C3orf20: variants seen among roughly 807,000 people sequenced by gnomAD.
C3orf20 encodes uncharacterized protein C3orf20.
A neutral mutation model predicts 88.3 loss-of-function variants in C3orf20; 76 were observed. The observed-to-expected ratio is 0.86, with a 90% CI of 0.72 to 1.04. The LOEUF is 1.04. Among genes scored for constraint, C3orf20 ranks in the 50% least tolerant of loss-of-function variants. C3orf20 has a pLI of 0.00. For missense variants in C3orf20, 1,056 were observed against 1,123.3 expected, an observed-to-expected ratio of 0.94 and a Z score of 0.86; for synonymous variants, 436 against 437.4, an observed-to-expected ratio of 1.00 and a Z score of 0.04.
chr3:14,692,212 G>A (rs548149172), intron 5 of C3orf20, among the ~76,000 whole-genome samples: 1 of 152,314 alleles, frequency 6.6e-6, no homozygotes, highest in African/African-American at 2.4e-5. Flanking sequence ...AAACATGGGA[G>A]TGCAGATATC....
chr3:14,715,941 A>T (rs1057034158), intron 9 of C3orf20, among the ~76,000 whole-genome samples: 1 of 152,038 alleles, frequency 6.6e-6, no homozygotes, highest in East Asian at 1.9e-4. Flanking sequence ...TAAATAACAA[A>T]TAATAAAGAG....
intron 10 of C3orf20, among the ~76,000 whole-genome samples, chr3:14,726,383 T>G (rs1275701123): frequency 6.6e-6 from 1 of 152,146 alleles, no homozygotes; most frequent in African/African-American, 2.4e-5. Context: ...GCTGGAGGGA[T>G]GAAGGGGCTC....
intron 1 of C3orf20, among the ~76,000 whole-genome samples, chr3:14,680,809 TA>T (rs920085305): frequency 2.6e-5 from 4 of 151,774 alleles, no homozygotes; most frequent in African/African-American, 9.7e-5. Context: ...AGTCCTGACT[TA>T]AAAAAAAATC....
At chr3:14,734,084 T>C (rs1374701080) in intron 12 of C3orf20, among the ~76,000 whole-genome samples, 1 of 152,224 alleles carries the variant, frequency 6.6e-6, no homozygotes, top group Non-Finnish European at 1.5e-5. Flanking sequence ...TTAATTATTT[T>C]TGCAATTTTT....
rs35363400 is a variant in C3orf20 at position 14,728,494 on chromosome 3, C to G, written c.1746C>G (p.Phe582Leu). 13,533 of 1,614,116 alleles carry G rather than the reference C, an allele frequency of 8.4e-3. 59 individuals carry two copies. Among genetic ancestry groups the G allele is most frequent in the Non-Finnish European group, 0.01 (12,253 of 1,180,000 alleles). The change falls in exon 12 of 17, where the codon TTC (phenylalanine) becomes TTG (leucine). Residue 582 changes from phenylalanine to leucine, a missense_variant. Transcript: ENST00000253697. ...AGGAGGAGGAAGAATTTGTTCGGTT[C>G]AAGATGAGATCCAGAACTCATCCCG... ...TKKEEEEFVRFKMRSRTHPER... is the reference protein window; with the variant it reads ...TKKEEEEFVRLKMRSRTHPER...
intron 1 of C3orf20, among the ~76,000 whole-genome samples, chr3:14,679,444 A>C (rs1016520028): frequency 6.6e-6 from 1 of 152,216 alleles, no homozygotes; most frequent in East Asian, 1.9e-4. Flanking sequence ...GTTCATTTGC[A>C]TGTGGAAAAA....
At chr3:14,683,539 G>A (rs2032225671) in intron 3 of C3orf20, among the ~76,000 whole-genome samples, 1 of 152,100 alleles carries the variant, frequency 6.6e-6, no homozygotes, top group Non-Finnish European at 1.5e-5. Context: ...TTGGGAAGTA[G>A]CCAGACAGAG....
chr3:14,723,124 C>A (rs1040682384), intron 10 of C3orf20, among the ~76,000 whole-genome samples: 2 of 152,268 alleles, frequency 1.3e-5, no homozygotes, highest in South Asian at 4.2e-4. Context: ...CTATGTGTCC[C>A]CCTCAAAAGT....
chr3:14,756,293 A>G (rs1375698644), intron 12 of C3orf20, among the ~76,000 whole-genome samples: 7 of 151,808 alleles, frequency 4.6e-5, no homozygotes, highest in Non-Finnish European at 1.0e-4. Context: ...AACCCTCACA[A>G]CAACCCGGTA....
At chr3:14,690,422 T>TA (rs1359790801) in intron 5 of C3orf20, among the ~76,000 whole-genome samples, 1 of 152,144 alleles carries the variant, frequency 6.6e-6, no homozygotes, top group Non-Finnish European at 1.5e-5. Flanking sequence ...ATCTCTTCTA[T>TA]CCCTACAGTA....
At chr3:14,744,345 C>T (rs2034999120) in intron 12 of C3orf20, among the ~76,000 whole-genome samples, 1 of 152,004 alleles carries the variant, frequency 6.6e-6, no homozygotes, top group South Asian at 2.1e-4. Context: ...TCATCTCCAT[C>T]TGAGACCACC....
In C3orf20 at chr3:14,703,212, C is replaced by T. The variant is rs776170659; in HGVS notation, c.828C>T (p.Ser276=). The change falls in exon 6 of 17, where the codon AGC becomes AGT. Residue 276 remains serine, a synonymous_variant. Coordinates refer to ENST00000253697, the MANE Select transcript of C3orf20 (RefSeq NM_032137.5). ...VGTPANSLEF[S]DPCPEAREKL... ...CCCCTGCCAACAGCCTGGAGTTCAG[C>T]GACCCCTGCCCTGAGGCCCGGGAGA... The T allele has an allele frequency of 5.0e-6, 8 of 1,614,034 alleles. No individual in the cohort carries two copies. Among genetic ancestry groups the T allele is most frequent in the South Asian group, 2.2e-5 (2 of 91,088 alleles).
intron 15 of C3orf20, among the ~76,000 whole-genome samples, chr3:14,764,724 CAA>C (rs1272248835): frequency 6.6e-6 from 1 of 152,146 alleles, no homozygotes; most frequent in Admixed American, 6.5e-5. Context: ...GTAGCCTCTC[CAA>C]GTGGCCTGGG....
In C3orf20 at chr3:14,760,016, T is replaced by C; in HGVS notation, c.2352+18T>C. 1 of 1,573,514 alleles carries C rather than the reference T, an allele frequency of 6.4e-7. No individual in the cohort carries two copies. Among genetic ancestry groups the C allele is most frequent in the Non-Finnish European group, 8.7e-7 (1 of 1,143,564 alleles). On this transcript the variant is annotated intron_variant, in intron 14 of 16. Transcript: ENST00000253697. ...TGATTCTGGTGAGCCAGCAGGGACT[T>C]GCTATCCACTGCCTGCCACCCCAGC...
chr3:14,716,853 C>T (rs1166711751), intron 9 of C3orf20, among the ~76,000 whole-genome samples: 1 of 152,180 alleles, frequency 6.6e-6, no homozygotes, highest in Non-Finnish European at 1.5e-5. Flanking sequence ...AACCCTGACT[C>T]AGTTGGTATG....
At position 14,759,910 on chromosome 3, in the gene C3orf20, G is replaced by T. The variant is rs200611679; in HGVS notation, c.2264G>T (p.Arg755Leu). 4 of 1,613,864 alleles carry T rather than the reference G, an allele frequency of 2.5e-6. No individual in the cohort carries two copies. The highest frequency in any genetic ancestry group is 2.5e-6 in the Non-Finnish European group (3 of 1,179,900). Residue 755 changes from arginine to leucine, a missense_variant, in exon 14 of 17, where the codon CGC becomes CTC. Arg to Leu is a moderately radical substitution (Grantham distance 102, BLOSUM62 -2). Transcript: ENST00000253697. ...PCIQCRYDSY[R>L]LLQYDLDSPL... ...TGGTAGTGCCGGTATGACTCCTACCGCCTGCTGCAGTATGACCTGGACAGC... is the reference window on the plus strand; with the variant it reads ...TGGTAGTGCCGGTATGACTCCTACCTCCTGCTGCAGTATGACCTGGACAGC...
At chr3:14,764,967 A>G (rs1198781104) in intron 15 of C3orf20, 1 of 152,234 alleles carries the variant, frequency 6.6e-6, no homozygotes, top group East Asian at 1.9e-4. Context: ...AAAGCACTCC[A>G]TCCACCCCAG....
intron 7 of C3orf20, among the ~76,000 whole-genome samples, chr3:14,709,664 G>A (rs1218208002): frequency 6.6e-6 from 1 of 152,028 alleles, no homozygotes; most frequent in African/African-American, 2.4e-5. Context: ...TATTACTATG[G>A]TACATTACAT....
intron 9 of C3orf20, among the ~76,000 whole-genome samples, chr3:14,715,847 A>G (rs1474310289): frequency 6.6e-6 from 1 of 151,284 alleles, no homozygotes; most frequent in African/African-American, 2.4e-5. Flanking sequence ...AAATAAAACA[A>G]TCTAGAAGTC....
Sources: allele counts gnomAD v4.1 joint callset (sites outside exome capture counted in the v4.1 genomes callset), GRCh38; gene constraint gnomAD v4.1.1; transcripts MANE v1.5; gene names NCBI Gene and HGNC (gene_info 2026-07-23, HGNC 2026-07-21).